The following EFCAB6 variants were observed in gnomAD, a reference collection of about 807,000 sequenced individuals.
EFCAB6 encodes EF-hand calcium-binding domain-containing protein 6.
In EFCAB6, 156 loss-of-function variants were observed where a neutral mutation model predicts 169.8. That is an observed-to-expected ratio of 0.92 (90% confidence interval 0.81 to 1.05). EFCAB6 has a LOEUF of 1.05. Ranked by LOEUF, EFCAB6 falls within the 50% of genes least tolerant of loss-of-function variation. The probability of loss-of-function intolerance (pLI) is 0.00; values close to 1 mark genes in which losing one functional copy is unlikely to be tolerated. For missense variants in EFCAB6, 1,800 were observed against 1,829.1 expected (o/e 0.98, Z 0.29); for synonymous variants, 698 against 676.4 (o/e 1.03, Z -0.50).
chr22:43,709,847 T>C (rs2059094831), intron 10 of EFCAB6, among the ~76,000 whole-genome samples: 1 of 152,188 alleles, frequency 6.6e-6, no homozygotes, highest in East Asian at 1.9e-4. Flanking sequence ...CATTTACTCC[T>C]AGGGCCAAAC....
At chr22:43,575,360 T>G (rs1205761984) in intron 26 of EFCAB6, among the ~76,000 whole-genome samples, 39 of 9,578 alleles carry the variant, frequency 4.1e-3, no homozygotes, top group African/African-American at 9.1e-3. Flanking sequence ...CCGGCTATGT[T>G]TTTTTTTTTT....
At chr22:43,645,048 G>A (rs1277616056) in intron 17 of EFCAB6, among the ~76,000 whole-genome samples, 3 of 152,102 alleles carry the variant, frequency 2.0e-5, no homozygotes, top group Non-Finnish European at 2.9e-5. Flanking sequence ...GTATTAGATT[G>A]AATGGAAAAG....
intron 30 of EFCAB6, 113 bp from the exon 31 acceptor site, chr22:43,531,077 A>G: frequency 7.2e-7 from 1 of 1,397,934 alleles, no homozygotes; most frequent in South Asian, 1.3e-5. Flanking sequence ...TTCACCTCCC[A>G]ACCTGCTCCG....
intron 17 of EFCAB6, among the ~76,000 whole-genome samples, chr22:43,651,223 T>C (rs2056451799): frequency 6.6e-6 from 1 of 152,074 alleles, no homozygotes; most frequent in African/African-American, 2.4e-5. Flanking sequence ...GGGCCCAGGG[T>C]CCCTGAGCTG....
At chr22:43,775,056 C>T (rs1471472158) in intron 3 of EFCAB6, among the ~76,000 whole-genome samples, 1 of 151,902 alleles carries the variant, frequency 6.6e-6, no homozygotes, top group Non-Finnish European at 1.5e-5. Context: ...ACCGTACTAG[C>T]GTGATGGTCA....
chr22:43,801,601 T>C (rs1225506993), intron 2 of EFCAB6, among the ~76,000 whole-genome samples: 3 of 152,184 alleles, frequency 2.0e-5, no homozygotes, highest in Admixed American at 1.3e-4. Flanking sequence ...ATAGAATTAG[T>C]GTAGAGTTTT....
chr22:43,653,828 A>C (rs2056604536), intron 17 of EFCAB6, among the ~76,000 whole-genome samples: 4 of 152,190 alleles, frequency 2.6e-5, no homozygotes, highest in Admixed American at 2.6e-4. Context: ...TCATGCCAGA[A>C]GTCCCATCAG....
At chr22:43,632,321 CGG>C in intron 18 of EFCAB6, 83 bp from the exon 19 acceptor site, 1 of 1,250,190 alleles carries the variant, frequency 8.0e-7, no homozygotes, top group Non-Finnish European at 1.0e-6. Flanking sequence ...TTTTTTGAGA[CGG>C]AGTCTCGCTC....
chr22:43,543,693 C>T (rs932140426), intron 27 of EFCAB6, among the ~76,000 whole-genome samples: 1 of 152,156 alleles, frequency 6.6e-6, no homozygotes, highest in Non-Finnish European at 1.5e-5. Context: ...CCTGGAGGGG[C>T]TGGATGGGGC....
chr22:43,757,329 C>A (rs1181354773), intron 5 of EFCAB6, among the ~76,000 whole-genome samples: 1 of 152,164 alleles, frequency 6.6e-6, no homozygotes, highest in Non-Finnish European at 1.5e-5. Flanking sequence ...GGGAGGATCA[C>A]CTGAGGTTGG....
intron 6 of EFCAB6, among the ~76,000 whole-genome samples, chr22:43,754,475 C>G (rs1435011984): frequency 2.0e-5 from 3 of 152,212 alleles, no homozygotes; most frequent in Non-Finnish European, 4.4e-5. Flanking sequence ...AGAAAAAACC[C>G]TCCAGTGCTC....
chr22:43,569,807 A>C (rs893918390), intron 26 of EFCAB6, among the ~76,000 whole-genome samples: 1 of 152,222 alleles, frequency 6.6e-6, no homozygotes, highest in Non-Finnish European at 1.5e-5. Flanking sequence ...AATAGTTAAA[A>C]TCGCTGAAAT....
At chr22:43,758,992 A>G (rs1009043331) in intron 5 of EFCAB6, among the ~76,000 whole-genome samples, 2 of 152,174 alleles carry the variant, frequency 1.3e-5, no homozygotes, top group African/African-American at 4.8e-5. Context: ...GGAGGCCAAG[A>G]CTGGCGGATC....
At chr22:43,715,954 A>C (rs899804356) in intron 9 of EFCAB6, among the ~76,000 whole-genome samples, 2 of 152,206 alleles carry the variant, frequency 1.3e-5, no homozygotes, top group Admixed American at 6.5e-5. Flanking sequence ...AATGTTGGGA[A>C]TTATTCATCT....
chr22:43,657,663 G>A (rs972097790), intron 17 of EFCAB6, among the ~76,000 whole-genome samples: 1 of 151,618 alleles, frequency 6.6e-6, no homozygotes, highest in South Asian at 2.1e-4. Context: ...GAAAATCAAT[G>A]GTTTAAATTT....
At chr22:43,632,388 C>G in intron 18 of EFCAB6, 150 bp from the exon 19 acceptor site, 1 of 1,169,366 alleles carries the variant, frequency 8.6e-7, no homozygotes, top group Non-Finnish European at 1.2e-6. Flanking sequence ...CAACCTCCAC[C>G]TCCTGGGTTC....
intron 6 of EFCAB6, among the ~76,000 whole-genome samples, chr22:43,745,375 C>T (rs2060522918): frequency 6.6e-6 from 1 of 152,216 alleles, no homozygotes; most frequent in Admixed American, 6.5e-5. Flanking sequence ...TTCTTCATGC[C>T]ACAGCATAAC....
At chr22:43,615,737 G>T in intron 21 of EFCAB6, 89 bp downstream of exon 21, 3 of 1,132,416 alleles carry the variant, frequency 2.6e-6, no homozygotes, top group Non-Finnish European at 3.8e-6. Flanking sequence ...CCATCTTAGC[G>T]TCTGGATCTG....
At chr22:43,721,200 C>T (rs1054832725) in intron 8 of EFCAB6, among the ~76,000 whole-genome samples, 3 of 152,028 alleles carry the variant, frequency 2.0e-5, no homozygotes, top group African/African-American at 7.2e-5. Flanking sequence ...AGAAGAAGCA[C>T]AAAACAGTGC....
Sources: gnomAD v4.1 joint callset for allele counts (sites outside exome capture counted in the v4.1 genomes callset) on GRCh38, gnomAD v4.1.1 for gene constraint, MANE v1.5 for transcripts, NCBI Gene and HGNC (gene_info 2026-07-23, HGNC 2026-07-21) for gene names.